The following PCOLCE2 variants were observed in gnomAD, a reference collection of about 807,000 sequenced individuals.
PCOLCE2 encodes procollagen C-proteinase enhancer 2.
PCOLCE2 carries 42 observed loss-of-function variants against 47.0 expected under a neutral mutation model. The observed-to-expected ratio is 0.89, with a 90% confidence interval of 0.70 to 1.16. The LOEUF (loss-of-function observed/expected upper bound fraction) is 1.16, where lower values mean the gene tolerates loss of function less well. PCOLCE2 is among the 50% of genes most tolerant of loss of function. The pLI is 0.00. For synonymous variants in PCOLCE2, 169 were observed against 191.7 expected (o/e 0.88, Z 0.98); for missense variants, 500 against 526.1 (o/e 0.95, Z 0.49).
chr3:142,834,718 G>T (rs900351012), intron 5 of PCOLCE2, among the ~76,000 whole-genome samples: 5 of 152,054 alleles, frequency 3.3e-5, no homozygotes, highest in African/African-American at 1.2e-4. Flanking sequence ...AATTTGGCTT[G>T]CCAAGTTTTT....
chr3:142,878,454 G>A (rs1365080271), intron 2 of PCOLCE2, among the ~76,000 whole-genome samples: 1 of 152,120 alleles, frequency 6.6e-6, no homozygotes, highest in Non-Finnish European at 1.5e-5. Context: ...TAACTCATAA[G>A]GTGCAACTGT....
At position 142,879,404 on chromosome 3, in the gene PCOLCE2, T is replaced by C. The variant is rs150305157; in HGVS notation, c.192+8265A>G. ...TATAAAACATAAAGTTTTCAATCAA[T>C]AAAAACACTTGATTTCCGTGTGAAA... is the stretch of plus-strand genomic sequence containing the variant. On this transcript the variant is annotated intron_variant, in intron 2 of 8. Coordinates refer to ENST00000295992, the MANE Select transcript of PCOLCE2 (RefSeq NM_013363.4). 5.9e-5 allele frequency among the ~76,000 whole-genome samples: 9 copies of C among 152,118 alleles called. No homozygotes were observed. The East Asian group carries it at 9.7e-4, about 16-fold the overall frequency.
At chr3:142,856,324 T>C (rs1221085164) in intron 2 of PCOLCE2, among the ~76,000 whole-genome samples, 1 of 152,184 alleles carries the variant, frequency 6.6e-6, no homozygotes, top group African/African-American at 2.4e-5. Flanking sequence ...GCCCCTGTTA[T>C]CACCTCTGAG....
intron 2 of PCOLCE2, among the ~76,000 whole-genome samples, chr3:142,874,255 T>C (rs1451496159): frequency 6.6e-6 from 1 of 152,192 alleles, no homozygotes; most frequent in Non-Finnish European, 1.5e-5. Flanking sequence ...TTTGTATTTT[T>C]AGTAGAGATG....
intron 6 of PCOLCE2, among the ~76,000 whole-genome samples, chr3:142,829,320 A>T (rs1017517455): frequency 6.6e-6 from 1 of 152,028 alleles, no homozygotes; most frequent in Non-Finnish European, 1.5e-5. Context: ...CAGAATATGA[A>T]AACACAGATA....
intron 2 of PCOLCE2, among the ~76,000 whole-genome samples, chr3:142,874,012 G>T (rs1219472658): frequency 6.6e-6 from 1 of 152,198 alleles, no homozygotes; most frequent in Admixed American, 6.5e-5. Context: ...ACTGGATCAT[G>T]GGGGCGGTTC....
intron 2 of PCOLCE2, among the ~76,000 whole-genome samples, chr3:142,866,072 C>G (rs1356964034): frequency 6.6e-6 from 1 of 152,140 alleles, no homozygotes; most frequent in African/African-American, 2.4e-5. Context: ...TGTCAACTTA[C>G]TGGGCTAAGG....
chr3:142,843,563 C>A (rs1578036279), intron 3 of PCOLCE2, among the ~76,000 whole-genome samples: 1 of 151,578 alleles, frequency 6.6e-6, no homozygotes, highest in East Asian at 1.9e-4. Flanking sequence ...AAATTTTCAG[C>A]AATACAGAAA....
intron 2 of PCOLCE2, among the ~76,000 whole-genome samples, chr3:142,878,559 A>G (rs1933545428): frequency 6.6e-6 from 1 of 152,194 alleles, no homozygotes; most frequent in Admixed American, 6.5e-5. Flanking sequence ...AAGCGACAGC[A>G]CACAAAAGCA....
chr3:142,867,710 A>C (rs998167929), intron 2 of PCOLCE2, among the ~76,000 whole-genome samples: 1 of 152,238 alleles, frequency 6.6e-6, no homozygotes, highest in African/African-American at 2.4e-5. Flanking sequence ...AGAAAGACTG[A>C]TGATACCAAA....
chr3:142,821,625 CTCTT>C (rs1937016497), intron 7 of PCOLCE2, among the ~76,000 whole-genome samples: 1 of 151,902 alleles, frequency 6.6e-6, no homozygotes, highest in South Asian at 2.1e-4. Flanking sequence ...CTTTCATATT[CTCTT>C]TCTTATCCAC....
At chr3:142,824,227 G>A (rs1463690150) in intron 6 of PCOLCE2, among the ~76,000 whole-genome samples, 1 of 151,812 alleles carries the variant, frequency 6.6e-6, no homozygotes, top group Non-Finnish European at 1.5e-5. Flanking sequence ...AAACACAGCA[G>A]TTCTTAAGTA....
At chr3:142,883,252 C>T (rs1453055531) in intron 2 of PCOLCE2, among the ~76,000 whole-genome samples, 4 of 149,868 alleles carry the variant, frequency 2.7e-5, no homozygotes, top group East Asian at 2.0e-4. Flanking sequence ...TTCCTATATA[C>T]CTGTTCAAGG....
At position 142,818,144 on chromosome 3, in the gene PCOLCE2, C is replaced by T. The variant is rs1373605028; in HGVS notation, c.*191G>A. On this transcript the variant is annotated 3_prime_UTR_variant, in exon 9 of 9. Coordinates refer to ENST00000295992, the MANE Select transcript of PCOLCE2 (RefSeq NM_013363.4). ...TCCAATCAGATAGCTGCTCCTCTGA[C>T]AGCAGGCAAAGAACTTCCCTCAGCT... The T allele has an allele frequency of 4.0e-6, 2 of 497,114 alleles. No individual in the cohort carries two copies. The highest frequency in any genetic ancestry group is 3.9e-5 in the African/African-American group (2 of 51,592). 30.8% of individuals were successfully genotyped at this position (497,114 alleles called of 1,614,324 possible).
At chr3:142,861,309 G>T (rs905540440) in intron 2 of PCOLCE2, among the ~76,000 whole-genome samples, 2 of 152,112 alleles carry the variant, frequency 1.3e-5, no homozygotes, top group Non-Finnish European at 2.9e-5. Context: ...TCATTCATTT[G>T]TGCTGAGTGT....
chr3:142,863,646 A>T (rs1359831237), intron 2 of PCOLCE2, among the ~76,000 whole-genome samples: 1 of 152,178 alleles, frequency 6.6e-6, no homozygotes, highest in East Asian at 1.9e-4. Context: ...GAGGTGCCAG[A>T]AGCAACAACC....
At chr3:142,838,948 T>C (rs754297401) in intron 4 of PCOLCE2, 42 bp from the exon 5 acceptor site, 1 of 1,467,166 alleles carries the variant, frequency 6.8e-7, no homozygotes, top group South Asian at 1.2e-5. Flanking sequence ...ATTAATAGCA[T>C]TGTTGAATAA....
chr3:142,829,604 T>C, intron 6 of PCOLCE2, 88 bp downstream of exon 6: 1 of 959,514 alleles, frequency 1.0e-6, no homozygotes, highest in Non-Finnish European at 1.5e-6. Flanking sequence ...TAATTTCAAG[T>C]ATCTTCCTCT....
chr3:142,826,109 A>T (rs1484860982), intron 6 of PCOLCE2, among the ~76,000 whole-genome samples: 2 of 150,722 alleles, frequency 1.3e-5, no homozygotes, highest in African/African-American at 4.9e-5. Context: ...GGTCCACGCC[A>T]TTCTCCTGCC....
Sources: gnomAD v4.1 joint callset for allele counts (sites outside exome capture counted in the v4.1 genomes callset) on GRCh38, gnomAD v4.1.1 for gene constraint, MANE v1.5 for transcripts, NCBI Gene and HGNC (gene_info 2026-07-23, HGNC 2026-07-21) for gene names.